Variants in PRSS12 observed in about 807,000 individuals in gnomAD.
The protein encoded by PRSS12 is serine protease 12.
Under a neutral mutation model 104.4 loss-of-function variants are expected in PRSS12, and 85 were observed. The ratio of observed to expected loss-of-function variants is 0.81; its 90% CI spans 0.68 to 0.98. The LOEUF (loss-of-function observed/expected upper bound fraction) is 0.98. Ranked by LOEUF, PRSS12 falls within the 50% of genes least tolerant of loss-of-function variation. The pLI is 0.00. For missense variants in PRSS12, 1,141 were observed against 1,139.2 expected (o/e 1.00, Z -0.02); for synonymous variants, 454 against 425.2 (o/e 1.07, Z -0.83).
At chr4:118,331,035 A>AT (rs371844592) in intron 4 of PRSS12, among the ~76,000 whole-genome samples, 2 of 152,156 alleles carry the variant, frequency 1.3e-5, no homozygotes, top group African/African-American at 4.8e-5. Context: ...TAAATGAAAT[A>AT]TTTTTTAAAA....
chr4:118,319,668 ACTT>A (rs1358722187), intron 4 of PRSS12, among the ~76,000 whole-genome samples: 1 of 151,830 alleles, frequency 6.6e-6, no homozygotes, highest in Non-Finnish European at 1.5e-5. Flanking sequence ...AGCCAAATCT[ACTT>A]CTTTTTTAAT....
chr4:118,317,230 T>C (rs1276151284), intron 5 of PRSS12, among the ~76,000 whole-genome samples: 2 of 152,176 alleles, frequency 1.3e-5, no homozygotes, highest in Non-Finnish European at 1.5e-5. Flanking sequence ...TTGAATCTTA[T>C]TAACTCAAAT....
At chr4:118,318,276 A>C in intron 5 of PRSS12, 102 bp downstream of exon 5, 1 of 1,104,538 alleles carries the variant, frequency 9.1e-7, no homozygotes. Flanking sequence ...ATTTATTTGT[A>C]TGCTCATTTG....
intron 4 of PRSS12, among the ~76,000 whole-genome samples, chr4:118,328,738 T>C (rs1347254965): frequency 6.6e-6 from 1 of 152,106 alleles, no homozygotes; most frequent in African/African-American, 2.4e-5. Flanking sequence ...ATTTTCCCAC[T>C]TCAGCCTTCC....
chr4:118,347,324 C>T (rs997252223), intron 1 of PRSS12, among the ~76,000 whole-genome samples: 1 of 152,164 alleles, frequency 6.6e-6, no homozygotes, highest in Non-Finnish European at 1.5e-5. Context: ...CTACAAACAA[C>T]AGATGGAATT....
intron 1 of PRSS12, among the ~76,000 whole-genome samples, chr4:118,350,145 C>G (rs1324820317): frequency 6.6e-6 from 1 of 152,144 alleles, no homozygotes; most frequent in Admixed American, 6.5e-5. Flanking sequence ...ACATGCTCAG[C>G]GCTGCAAAGG....
In PRSS12 at chr4:118,292,752, A is replaced by C. The variant is rs147138208; in HGVS notation, c.2039+2187T>G. Among the ~76,000 whole-genome samples, 842 of 152,258 alleles carry C rather than the reference A, an allele frequency of 5.5e-3. 4 individuals are homozygous for C. The highest frequency in any genetic ancestry group is 9.1e-3 in the Non-Finnish European group (616 of 68,022). ...TATCCCCAAATAGCCACTGTTATGTAAAATACAGGTTTGATCAGGCTGGGA... is the reference window on the plus strand; with the variant it reads ...TATCCCCAAATAGCCACTGTTATGTCAAATACAGGTTTGATCAGGCTGGGA... On this transcript the variant is annotated intron_variant, in intron 11 of 12. Coordinates refer to ENST00000296498, the MANE Select transcript of PRSS12 (RefSeq NM_003619.4).
In PRSS12 at chr4:118,282,981, C is replaced by G; in HGVS notation, c.2170G>C (p.Asp724His). 7.4e-6 allele frequency: 12 copies of G among 1,614,136 alleles called. No individual in the cohort carries two copies. Among genetic ancestry groups the G allele is most frequent in the Non-Finnish European group, 1.0e-5 (12 of 1,180,026 alleles). ...AATCTAACCAGGGCTATGTCATAAT[C>G]ACTGCGGTCGGGTCGATACTCCCGA... ...IHREYRPDRS[D>H]YDIALVRLQG... The change falls in exon 12 of 13, where the codon GAT becomes CAT. Residue 724 changes from aspartate (D) to histidine (H), a missense_variant. Asp to His is a moderately conservative substitution (Grantham distance 81). Transcript: ENST00000296498.
Position 118,282,964 on chromosome 4 carries a change from C to G in PRSS12, c.2187G>C (p.Leu729=). Reference sequence around the variant, plus strand: ...GCTCTTCTGGTCCTTGTAATCTAACCAGGGCTATGTCATAATCACTGCGGT... The same window carrying G: ...GCTCTTCTGGTCCTTGTAATCTAACGAGGGCTATGTCATAATCACTGCGGT... ...RPDRSDYDIA[L]VRLQGPEEQC... Residue 729 remains leucine (L), a synonymous_variant, in exon 12 of 13, where the codon CTG becomes CTC. Coordinates refer to ENST00000296498, the MANE Select transcript of PRSS12 (RefSeq NM_003619.4). The G allele has an allele frequency of 6.2e-7, 1 of 1,614,156 alleles. No homozygotes were observed.
Position 118,316,223 on chromosome 4 carries a change from A to C in PRSS12, c.1251T>G (p.Thr417=). ...QWGTVCDDGW[T]ELNTYVVCRQ... ...GACAAACCACGTATGTATTCAGCTC[A>C]GTCCAGCCATCATCACAGACAGTTC... The change falls in exon 6 of 13, where the codon ACT becomes ACG. Residue 417 remains threonine, a synonymous_variant. Transcript: ENST00000296498. 1.9e-6 allele frequency: 3 copies of C among 1,614,118 alleles called. No individual in the cohort carries two copies. The highest frequency in any genetic ancestry group is 2.5e-6 in the Non-Finnish European group (3 of 1,180,020).
intron 7 of PRSS12, among the ~76,000 whole-genome samples, chr4:118,311,340 T>C (rs1487084499): frequency 6.6e-6 from 1 of 152,102 alleles, no homozygotes; most frequent in Non-Finnish European, 1.5e-5. Context: ...ATAACTAATT[T>C]TGAGAAGTTT....
chr4:118,298,439 G>A (rs914545701), intron 9 of PRSS12, among the ~76,000 whole-genome samples: 4 of 152,086 alleles, frequency 2.6e-5, no homozygotes, highest in South Asian at 2.1e-4. Context: ...CAACAAGCAT[G>A]AGAGCTTTAT....
At chr4:118,347,199 G>T (rs1030955404) in intron 1 of PRSS12, among the ~76,000 whole-genome samples, 2 of 152,170 alleles carry the variant, frequency 1.3e-5, no homozygotes, top group African/African-American at 4.8e-5. Flanking sequence ...ACCAGGAAAT[G>T]TATCAAATCT....
rs147102523 is a variant in PRSS12 at position 118,326,223 on chromosome 4, T to A, written c.971+5493A>T. On this transcript the variant is annotated intron_variant, in intron 4 of 12. Transcript: ENST00000296498. The stretch of plus-strand genomic sequence containing the variant: ...TTTGTGCCATATACAGAGTTTGTAA[T>A]CCATGGATGAAAAAACTCATTTTTA... Among the ~76,000 whole-genome samples, 8 of 152,262 alleles carry A rather than the reference T, an allele frequency of 5.3e-5. No homozygotes were observed. The East Asian group carries it at 1.5e-3, about 29-fold the overall frequency.
At chr4:118,295,730 T>C in intron 10 of PRSS12, 48 bp downstream of exon 10, 2 of 1,511,352 alleles carry the variant, frequency 1.3e-6, no homozygotes, top group Middle Eastern at 1.7e-4. Context: ...ACTCTATGTA[T>C]ATAAATAATT....
intron 4 of PRSS12, among the ~76,000 whole-genome samples, chr4:118,322,263 C>T (rs1723647111): frequency 6.6e-6 from 1 of 152,028 alleles, no homozygotes; most frequent in Admixed American, 6.6e-5. Flanking sequence ...AAAACACTTA[C>T]TATAGGCTGG....
intron 8 of PRSS12, among the ~76,000 whole-genome samples, chr4:118,299,794 TAAATA>T (rs1392579389): frequency 1.6e-5 from 1 of 64,456 alleles, no homozygotes; most frequent in African/African-American, 4.4e-5. Flanking sequence ...TAAAATAAAA[TAAATA>T]AAATAAAATA....
rs114985982 is a variant in PRSS12, at chr4:118,334,124, C to T, written c.820+1349G>A. ...TGAACTCAATGTTCGCTGATTTCAG[C>T]TATACAACTCCACATTCTCATTTAA... is the stretch of plus-strand genomic sequence containing the variant. On this transcript the variant is annotated intron_variant, in intron 3 of 12. Transcript: ENST00000296498. 6.8e-3 allele frequency among the ~76,000 whole-genome samples: 1,031 copies of T among 152,254 alleles called. 13 individuals carry two copies. Among genetic ancestry groups the T allele is most frequent in the African/African-American group, 0.023 (945 of 41,566 alleles).
At chr4:118,312,618 T>A (rs1743775241) in intron 7 of PRSS12, among the ~76,000 whole-genome samples, 2 of 152,074 alleles carry the variant, frequency 1.3e-5, no homozygotes, top group African/African-American at 4.8e-5. Flanking sequence ...TAAAAAAATG[T>A]AAATGAAGAG....
Sources: allele counts gnomAD v4.1 joint callset (sites outside exome capture counted in the v4.1 genomes callset), GRCh38; gene constraint gnomAD v4.1.1; transcripts MANE v1.5; gene names NCBI Gene and HGNC (gene_info 2026-07-23, HGNC 2026-07-21).